ARSB: variants seen among roughly 807,000 people sequenced by gnomAD.
ARSB encodes N-acetylgalactosamine-4-sulfatase.
In ARSB, 41 loss-of-function variants were observed where a neutral mutation model predicts 50.9. That is an observed-to-expected ratio of 0.81 (90% CI 0.63 to 1.04). ARSB has a LOEUF of 1.04. Ranked by LOEUF, ARSB falls within the 50% of genes least tolerant of loss-of-function variation. The pLI is 0.00. For missense variants in ARSB, 672 were observed against 693.3 expected, an observed-to-expected ratio of 0.97 and a Z score of 0.35; for synonymous variants, 269 against 284.8, an observed-to-expected ratio of 0.94 and a Z score of 0.56.
At chr5:78,809,732 G>A (rs1314608062) in intron 6 of ARSB, among the ~76,000 whole-genome samples, 3 of 152,258 alleles carry the variant, frequency 2.0e-5, no homozygotes, top group Admixed American at 6.5e-5. Context: ...TTCCTGCTCT[G>A]AAAATCACGT....
intron 4 of ARSB, among the ~76,000 whole-genome samples, chr5:78,914,598 C>T (rs59872099): frequency 0.016 from 2,392 of 152,260 alleles, 59 homozygotes; most frequent in African/African-American, 0.053. Context: ...GAATGGCCCA[C>T]GTATCAGAAT....
rs937884434 is a variant in ARSB, at chr5:78,943,593, T to C, written c.898+11702A>G. On this transcript the variant is annotated intron_variant, in intron 4 of 7. Transcript: ENST00000264914. ...TTGAAAATTCTTTTCTTTAAGAATG[T>C]TGAATATTGGCCCCCACTGTCTTCT... Among the ~76,000 whole-genome samples, 13 of 152,352 alleles carry C rather than the reference T, an allele frequency of 8.5e-5. No individual in the cohort carries two copies. In the East Asian group the frequency reaches 2.5e-3, roughly 29 times the overall value.
intron 5 of ARSB, among the ~76,000 whole-genome samples, chr5:78,862,604 G>T (rs1581057975): frequency 6.6e-6 from 1 of 152,260 alleles, no homozygotes; most frequent in Admixed American, 6.5e-5. Flanking sequence ...ATTAATTCAA[G>T]ATGGATTAAA....
At chr5:78,863,720 A>T (rs1004868502) in intron 5 of ARSB, among the ~76,000 whole-genome samples, 24 of 152,140 alleles carry the variant, frequency 1.6e-4, no homozygotes, top group African/African-American at 5.8e-4. Flanking sequence ...ACAAACCTGC[A>T]CATTGTGCAC....
At chr5:78,980,383 G>A (rs1752848549) in intron 1 of ARSB, among the ~76,000 whole-genome samples, 1 of 152,070 alleles carries the variant, frequency 6.6e-6, no homozygotes, top group Non-Finnish European at 1.5e-5. Context: ...GTTCCAATAT[G>A]TACAAAATGA....
intron 4 of ARSB, among the ~76,000 whole-genome samples, chr5:78,950,556 C>G (rs907515785): frequency 6.6e-6 from 1 of 152,040 alleles, no homozygotes; most frequent in Admixed American, 6.6e-5. Flanking sequence ...GAGGAATGTC[C>G]CCAAAAATAA....
At position 78,815,443 on chromosome 5, in the gene ARSB, CCT is replaced by C. The variant is rs1743953230; in HGVS notation, c.1213+23911_1213+23912del. 6.7e-6 allele frequency: 5 copies of C among 744,634 alleles called. No individual in the cohort carries two copies. The African/African-American group carries it at 7.8e-5, about 12-fold the overall frequency. The allele number at this position is 744,634 out of a possible 1,614,324, so 46.1% of individuals were successfully genotyped here. On this transcript the variant is annotated intron_variant, in intron 6 of 7. Transcript: ENST00000264914. ...CAAAGACAAATTAGAACAAGACACC[CCT>C]CTCTGTGCCAGAAAGTGTGACTTGG... is the stretch of plus-strand genomic sequence containing the variant.
At chr5:78,956,672 T>A (rs903767682) in intron 3 of ARSB, among the ~76,000 whole-genome samples, 1 of 152,206 alleles carries the variant, frequency 6.6e-6, no homozygotes, top group Non-Finnish European at 1.5e-5. Flanking sequence ...GTTGTCTACA[T>A]ACTAGACAGT....
At chr5:78,872,040 A>G (rs2112155491) in intron 5 of ARSB, among the ~76,000 whole-genome samples, 1 of 151,648 alleles carries the variant, frequency 6.6e-6, no homozygotes, top group East Asian at 1.9e-4. Context: ...GAAGACATTT[A>G]TGCAGCCAAA....
intron 1 of ARSB, among the ~76,000 whole-genome samples, 180 bp downstream of exon 1, chr5:78,984,757 C>G (rs921859377): frequency 9.2e-5 from 14 of 152,120 alleles, no homozygotes; most frequent in Admixed American, 5.9e-4. Context: ...GCGCAGAGGC[C>G]GCGGCGGGCT....
chr5:78,899,526 T>C (rs931409500), intron 4 of ARSB, among the ~76,000 whole-genome samples: 13 of 152,208 alleles, frequency 8.5e-5, no homozygotes, highest in Admixed American at 2.6e-4. Flanking sequence ...TATTTCTTTT[T>C]TCTTCTCTGA....
At chr5:78,911,679 A>G (rs903262577) in intron 4 of ARSB, among the ~76,000 whole-genome samples, 1 of 150,216 alleles carries the variant, frequency 6.7e-6, no homozygotes, top group Non-Finnish European at 1.5e-5. Context: ...AGAGAAGATT[A>G]TGAACCTGCC....
intron 7 of ARSB, among the ~76,000 whole-genome samples, chr5:78,781,458 C>T (rs750547058): frequency 2.0e-4 from 30 of 149,908 alleles, no homozygotes; most frequent in Admixed American, 7.4e-4. Context: ...CCTTGATGAT[C>T]CACTGGGAAA....
intron 4 of ARSB, among the ~76,000 whole-genome samples, chr5:78,889,326 GT>G (rs1748177365): frequency 6.6e-6 from 1 of 152,222 alleles, no homozygotes; most frequent in African/African-American, 2.4e-5. Flanking sequence ...TTTCAAAGAC[GT>G]TTCTTCTCAT....
rs1748834889 is a variant in ARSB at position 78,778,548 on chromosome 5, T to C, written c.*1849A>G. On this transcript the variant is annotated 3_prime_UTR_variant, in exon 8 of 8. Transcript: ENST00000264914. The stretch of plus-strand genomic sequence containing the variant: ...TGGAGAGGACGCTACAACCTTGCTA[T>C]AGAGTGTCCTGTGACTGCCCAGTGA... 1 of 152,212 alleles carries C rather than the reference T, an allele frequency of 6.6e-6. No individual in the cohort carries two copies. The highest frequency in any genetic ancestry group is 2.4e-5 in the African/African-American group (1 of 41,440). The allele number at this position is 152,212 out of a possible 1,614,324, so 9.4% of individuals were successfully genotyped here.
At chr5:78,851,716 A>C (rs1229332918) in intron 5 of ARSB, among the ~76,000 whole-genome samples, 1 of 152,236 alleles carries the variant, frequency 6.6e-6, no homozygotes, top group Non-Finnish European at 1.5e-5. Context: ...TAGGTCACTC[A>C]GGACTTGCTT....
chr5:78,793,397 G>T (rs977170548), intron 6 of ARSB, among the ~76,000 whole-genome samples: 2 of 152,182 alleles, frequency 1.3e-5, no homozygotes, highest in Non-Finnish European at 2.9e-5. Context: ...CTTACACATA[G>T]TGGGGACAGG....
chr5:78,872,873 T>C (rs1005403365), intron 5 of ARSB, among the ~76,000 whole-genome samples: 1 of 148,964 alleles, frequency 6.7e-6, no homozygotes, highest in African/African-American at 2.5e-5. Context: ...CACTTCACTA[T>C]AGCAATACAC....
intron 4 of ARSB, among the ~76,000 whole-genome samples, chr5:78,945,300 A>G (rs189258): frequency 1 from 151,548 of 152,274 alleles, 75,414 homozygotes; most frequent in East Asian, 1. Context: ...CCCACTGTCC[A>G]ACAATCCCCA....
Sources: gnomAD v4.1 joint callset for allele counts (sites outside exome capture counted in the v4.1 genomes callset) on GRCh38, gnomAD v4.1.1 for gene constraint, MANE v1.5 for transcripts, NCBI Gene and HGNC (gene_info 2026-07-23, HGNC 2026-07-21) for gene names.